The following MGST3 variants were observed in gnomAD, a reference collection of about 807,000 sequenced individuals.
MGST3 encodes microsomal glutathione S-transferase 3.
In MGST3, 13 loss-of-function variants were observed where a neutral mutation model predicts 15.8. That is an observed-to-expected ratio of 0.82 (90% CI 0.54 to 1.31). MGST3 has a LOEUF of 1.31. Among genes scored for constraint, MGST3 ranks in the 50% most tolerant of loss-of-function variants. The pLI, the probability that MGST3 is intolerant of heterozygous loss-of-function variation, is 0.00. For synonymous variants in MGST3, 49 were observed against 68.1 expected (o/e 0.72, Z 1.38); for missense variants, 155 against 192.4 (o/e 0.81, Z 1.15).
intron 1 of MGST3, chr1:165,632,402 C>A: frequency 1.1e-6 from 1 of 882,268 alleles, no homozygotes; most frequent in South Asian, 1.5e-5. Flanking sequence ...TTCTGGGAGG[C>A]ACCCCAGGTT....
chr1:165,655,359 C>T lies in MGST3; in HGVS notation c.323-9C>T. 1 of 1,613,820 alleles carries T rather than the reference C, an allele frequency of 6.2e-7. No individual in the cohort carries two copies. Among genetic ancestry groups the T allele is most frequent in the Admixed American group, 1.7e-5 (1 of 59,992 alleles). ...CTCCTGGTAACTTCTGTTCTTTCTT[C>T]TTTTTCAGAACCCAGCAAGCGTAGT... On this transcript the variant is annotated splice_polypyrimidine_tract_variant and intron_variant, in intron 5 of 5. Coordinates refer to ENST00000367889, the MANE Select transcript of MGST3 (RefSeq NM_004528.4).
chr1:165,633,582 T>C (rs1370994706), intron 1 of MGST3, among the ~76,000 whole-genome samples: 1 of 152,220 alleles, frequency 6.6e-6, no homozygotes, highest in Non-Finnish European at 1.5e-5. Context: ...TCATTCTAAG[T>C]GTAGACAGGC....
At position 165,649,863 on chromosome 1, in the gene MGST3, A is replaced by G. The variant is rs1648505397; in HGVS notation, c.16A>G (p.Lys6Glu). The G allele has an allele frequency of 1.4e-5, 22 of 1,614,032 alleles. No individual in the cohort carries two copies. Among genetic ancestry groups the G allele is most frequent in the Non-Finnish European group, 1.9e-5 (22 of 1,179,994 alleles). The change falls in exon 2 of 6, where the codon AAG becomes GAG. Residue 6 changes from lysine to glutamate, a missense_variant. Physicochemically the swap from Lys to Glu is moderately conservative, Grantham distance 56. Coordinates refer to ENST00000367889, the MANE Select transcript of MGST3 (RefSeq NM_004528.4). Reference protein sequence around the residue: MAVLSKEYGFVLLTGA... With the variant: MAVLSEEYGFVLLTGA... ...CAGACGCAAGATGGCTGTCCTCTCT[A>G]AGGAATATGGTTTTGTGCTTCTAAC...
intron 1 of MGST3, among the ~76,000 whole-genome samples, chr1:165,640,006 T>C (rs536026786): frequency 5.3e-4 from 80 of 152,324 alleles, no homozygotes; most frequent in Admixed American, 5.9e-4. Context: ...AGTTGAGGTA[T>C]GCCTGATCCA....
At chr1:165,651,869 T>C in intron 3 of MGST3, 109 bp from the exon 4 acceptor site, 1 of 655,976 alleles carries the variant, frequency 1.5e-6, no homozygotes, top group African/African-American at 2.3e-5. Flanking sequence ...CATTCCAGCC[T>C]GGGTGACAGA....
intron 1 of MGST3, among the ~76,000 whole-genome samples, chr1:165,639,076 C>T (rs1222721169): frequency 6.6e-6 from 1 of 152,172 alleles, no homozygotes; most frequent in Admixed American, 6.5e-5. Context: ...TGGTATGATC[C>T]TCTATGTAAA....
At chr1:165,652,970 C>T (rs2297765) in intron 4 of MGST3, among the ~76,000 whole-genome samples, 70,530 of 152,038 alleles carry the variant, frequency 0.46, 17,742 homozygotes, top group African/African-American at 0.66. Flanking sequence ...TCTCCTGAAA[C>T]CAAGTTCTGA....
chr1:165,632,368 CTG>C (rs1481445666), intron 1 of MGST3: 3 of 1,359,500 alleles, frequency 2.2e-6, no homozygotes, highest in Admixed American at 3.4e-5. Flanking sequence ...CTTGGGAAAT[CTG>C]TAGATCACCT....
At chr1:165,651,390 A>G in intron 3 of MGST3, 1 of 443,280 alleles carries the variant, frequency 2.3e-6, no homozygotes, top group South Asian at 2.1e-5. Context: ...AGGCCTAGGG[A>G]GTGAAGAGGT....
chr1:165,651,364 C>A (rs758443782), intron 3 of MGST3: 1 of 498,776 alleles, frequency 2.0e-6, no homozygotes, highest in Non-Finnish European at 3.7e-6. Context: ...CCATCTAAAC[C>A]GATGTTGACT....
At chr1:165,639,145 G>A (rs549408236) in intron 1 of MGST3, among the ~76,000 whole-genome samples, 1 of 152,230 alleles carries the variant, frequency 6.6e-6, no homozygotes, top group South Asian at 2.1e-4. Flanking sequence ...CCCTGGCTCT[G>A]TTTCTCTCCT....
At chr1:165,646,110 G>A (rs1184828672) in intron 1 of MGST3, 1 of 152,230 alleles carries the variant, frequency 6.6e-6, no homozygotes, top group Non-Finnish European at 1.5e-5. Context: ...TCAAATGAGT[G>A]CTCATGCCAG....
In MGST3 at chr1:165,655,424, G is replaced by A; in HGVS notation, c.379G>A (p.Gly127Ser). The change falls in exon 6 of 6, where the codon GGC becomes AGC. Residue 127 changes from glycine to serine, a missense_variant. By Grantham distance (56) the Gly-to-Ser change is moderately conservative. Transcript: ENST00000367889. ...GTCCATCGCCCTCCTGGGCTTGGTG[G>A]GCACAACTGTGTGCTCTGCTTTCCA... ...LGSIALLGLV[G>S]TTVCSAFQHL... 1 of 1,613,980 alleles carries A rather than the reference G, an allele frequency of 6.2e-7. No homozygotes were observed. Among genetic ancestry groups the A allele is most frequent in the Non-Finnish European group, 8.5e-7 (1 of 1,179,986 alleles).
chr1:165,649,343 T>G (rs530406301), intron 1 of MGST3: 58 of 168,900 alleles, frequency 3.4e-4, no homozygotes, highest in Non-Finnish European at 6.7e-4. Context: ...TCTCACTTTC[T>G]TGCTTTCTCT....
Position 165,655,529 on chromosome 1 carries a change from T to G in MGST3, c.*25T>G. ...AAGAATTATAGGGGTTTAAAAACTC[T>G]CATTCATTTTAAATGACTTACCTTT... On this transcript the variant is annotated 3_prime_UTR_variant, in exon 6 of 6. Coordinates refer to ENST00000367889, the MANE Select transcript of MGST3 (RefSeq NM_004528.4). 1 of 1,613,808 alleles carries G rather than the reference T, an allele frequency of 6.2e-7. No individual in the cohort carries two copies. Among genetic ancestry groups the G allele is most frequent in the East Asian group, 2.2e-5 (1 of 44,882 alleles).
intron 1 of MGST3, among the ~76,000 whole-genome samples, chr1:165,643,574 A>T (rs1001070906): frequency 6.6e-6 from 1 of 151,666 alleles, no homozygotes; most frequent in African/African-American, 2.4e-5. Flanking sequence ...AAAAAGAAAA[A>T]ATATACATAG....
chr1:165,631,590 C>CCT (rs1647945826), intron 1 of MGST3, among the ~76,000 whole-genome samples: 1 of 152,212 alleles, frequency 6.6e-6, no homozygotes, highest in African/African-American at 2.4e-5. Context: ...TCCTTCCTTT[C>CCT]CTCTCCTGCT....
chr1:165,650,716 A>C (rs917626354), intron 2 of MGST3: 1 of 414,352 alleles, frequency 2.4e-6, no homozygotes, highest in Non-Finnish European at 4.5e-6. Flanking sequence ...TCTGAAATCC[A>C]CCATTGATGC....
At chr1:165,637,732 C>T (rs1000734590) in intron 1 of MGST3, among the ~76,000 whole-genome samples, 3 of 152,178 alleles carry the variant, frequency 2.0e-5, no homozygotes, top group Non-Finnish European at 2.9e-5. Context: ...GGTTAAGTAC[C>T]TTAGCCAGAT....
Sources: allele counts gnomAD v4.1 joint callset (sites outside exome capture counted in the v4.1 genomes callset), GRCh38; gene constraint gnomAD v4.1.1; transcripts MANE v1.5; gene names NCBI Gene and HGNC (gene_info 2026-07-23, HGNC 2026-07-21).